Variants in TRAPPC9 observed in about 807,000 individuals in gnomAD.
The protein encoded by TRAPPC9 is IKK2 binding protein.
A neutral mutation model predicts 124.0 loss-of-function variants in TRAPPC9; 83 were observed. That is an observed-to-expected ratio of 0.67 (90% CI 0.56 to 0.80). The LOEUF (loss-of-function observed/expected upper bound fraction) is 0.80. TRAPPC9 is among the 30% of genes least tolerant of loss of function. TRAPPC9 has a pLI of 0.00. For synonymous variants in TRAPPC9, 638 were observed against 617.5 expected (o/e 1.03, Z -0.49); for missense variants, 1,302 against 1,508.3 (o/e 0.86, Z 2.27).
chr8:140,384,531 C>T (rs1157249085), intron 7 of TRAPPC9, among the ~76,000 whole-genome samples: 1 of 152,134 alleles, frequency 6.6e-6, no homozygotes, highest in African/African-American at 2.4e-5. Context: ...ATAAAACAGA[C>T]TTTAAACCAA....
intron 20 of TRAPPC9, among the ~76,000 whole-genome samples, chr8:139,901,531 G>A (rs1831021465): frequency 6.6e-6 from 1 of 152,168 alleles, no homozygotes; most frequent in Admixed American, 6.5e-5. Flanking sequence ...AAGGGGAGAG[G>A]TCTGCAACTG....
chr8:140,188,512 C>T (rs1469086039), intron 17 of TRAPPC9, among the ~76,000 whole-genome samples: 13 of 152,184 alleles, frequency 8.5e-5, no homozygotes, highest in African/African-American at 2.4e-4. Flanking sequence ...CAGCTTATAT[C>T]TTTATCCCTA....
intron 17 of TRAPPC9, among the ~76,000 whole-genome samples, chr8:140,169,325 G>C (rs182451182): frequency 6.6e-6 from 1 of 152,100 alleles, no homozygotes; most frequent in South Asian, 2.1e-4. Flanking sequence ...CAGAACCCTC[G>C]CGCATGACTG....
At chr8:140,361,696 T>A (rs1280637733) in intron 8 of TRAPPC9, among the ~76,000 whole-genome samples, 2 of 152,212 alleles carry the variant, frequency 1.3e-5, no homozygotes, top group African/African-American at 4.8e-5. Context: ...TCCATTTTTT[T>A]AAATCCCTAT....
In TRAPPC9 at chr8:140,313,410, G is replaced by T. The variant is rs1057133010; in HGVS notation, c.1496-2036C>A. 3.3e-5 allele frequency among the ~76,000 whole-genome samples: 5 copies of T among 152,326 alleles called. No homozygotes were observed. The South Asian group carries it at 1.0e-3, about 32-fold the overall frequency. On this transcript the variant is annotated intron_variant, in intron 9 of 22. Transcript: ENST00000438773. ...GCACCACAGTGTATCACTCGGCTAA[G>T]CTCTGAATGGCATTTCTAGACAGAA...
intron 17 of TRAPPC9, among the ~76,000 whole-genome samples, chr8:140,132,917 G>C (rs1032184812): frequency 2.0e-5 from 3 of 152,166 alleles, no homozygotes; most frequent in Non-Finnish European, 2.9e-5. Context: ...AGTGGGATGG[G>C]TCATCTGAAA....
intron 15 of TRAPPC9, chr8:140,262,473 G>C (rs1226422114): frequency 6.6e-6 from 1 of 151,626 alleles, no homozygotes; most frequent in Non-Finnish European, 1.5e-5. Flanking sequence ...CCCTAGAAAT[G>C]TGTAAAATGC....
chr8:140,249,434 T>G (rs989950697), intron 16 of TRAPPC9, among the ~76,000 whole-genome samples: 2 of 152,178 alleles, frequency 1.3e-5, no homozygotes, highest in Non-Finnish European at 2.9e-5. Context: ...TCACTACTGA[T>G]GGCCACTTAG....
At chr8:140,206,756 C>CATATATATAT (rs150660269) in intron 17 of TRAPPC9, among the ~76,000 whole-genome samples, 3 of 145,834 alleles carry the variant, frequency 2.1e-5, no homozygotes, top group African/African-American at 7.8e-5. Flanking sequence ...CATATACATA[C>CATATATATAT]ATATATATAT....
At chr8:140,117,786 A>G (rs1032422159) in intron 17 of TRAPPC9, among the ~76,000 whole-genome samples, 1 of 152,240 alleles carries the variant, frequency 6.6e-6, no homozygotes, top group African/African-American at 2.4e-5. Flanking sequence ...GAACTCACTG[A>G]GCAGCAAAAG....
At chr8:140,380,845 A>C (rs1054806781) in intron 7 of TRAPPC9, among the ~76,000 whole-genome samples, 2 of 152,050 alleles carry the variant, frequency 1.3e-5, no homozygotes, top group Non-Finnish European at 2.9e-5. Flanking sequence ...AAACACGTGA[A>C]GAAAAAATAA....
intron 21 of TRAPPC9, among the ~76,000 whole-genome samples, chr8:139,757,558 G>A (rs190806020): frequency 1.9e-3 from 293 of 152,084 alleles, no homozygotes; most frequent in African/African-American, 6.4e-3. Context: ...GGAGGAGCCA[G>A]GGGGCGTGGG....
At position 140,439,034 on chromosome 8, in the gene TRAPPC9, T is replaced by G; in HGVS notation, c.730+18A>C. ...TGAAACAATTACATATCAGATCATCTTCATCAGCTCATCTTACCTCCAAGC... is the reference window on the plus strand; with the variant it reads ...TGAAACAATTACATATCAGATCATCGTCATCAGCTCATCTTACCTCCAAGC... On this transcript the variant is annotated intron_variant, in intron 3 of 22. Coordinates refer to ENST00000438773, the MANE Select transcript of TRAPPC9 (RefSeq NM_001160372.4). 6.2e-7 allele frequency: 1 copy of G among 1,614,038 alleles called. No homozygotes were observed. Among genetic ancestry groups the G allele is most frequent in the Non-Finnish European group, 8.5e-7 (1 of 1,179,962 alleles).
At chr8:140,440,528 G>A (rs2070976130) in intron 2 of TRAPPC9, among the ~76,000 whole-genome samples, 1 of 151,606 alleles carries the variant, frequency 6.6e-6, no homozygotes, top group African/African-American at 2.4e-5. Context: ...GAAAAGAAAG[G>A]CATCTGAGCT....
chr8:139,791,084 G>A (rs1040459939), intron 21 of TRAPPC9, among the ~76,000 whole-genome samples: 6 of 152,270 alleles, frequency 3.9e-5, no homozygotes, highest in Admixed American at 3.9e-4. Flanking sequence ...AAGCCACCCA[G>A]CCTCAGGTAT....
intron 5 of TRAPPC9, among the ~76,000 whole-genome samples, chr8:140,411,381 GC>G (rs1005375519): frequency 6.6e-6 from 1 of 152,048 alleles, no homozygotes; most frequent in African/African-American, 2.4e-5. Context: ...CATTCTTGTC[GC>G]CCAGGCTGGA....
chr8:140,282,639 C>A (rs1028589250), intron 14 of TRAPPC9, among the ~76,000 whole-genome samples: 4 of 151,264 alleles, frequency 2.6e-5, no homozygotes, highest in South Asian at 2.1e-4. Flanking sequence ...TTTGAGATAT[C>A]TTTATGATGC....
chr8:139,939,775 A>G (rs1833786878), intron 19 of TRAPPC9, among the ~76,000 whole-genome samples: 2 of 152,178 alleles, frequency 1.3e-5, no homozygotes, highest in African/African-American at 2.4e-5. Flanking sequence ...TTCAGTTCCT[A>G]AGTCCTAGAA....
chr8:140,044,834 C>T (rs921202902), intron 17 of TRAPPC9, among the ~76,000 whole-genome samples: 2 of 152,182 alleles, frequency 1.3e-5, no homozygotes, highest in Non-Finnish European at 2.9e-5. Context: ...GCTAAATACG[C>T]ATTTCTAATT....
Sources: allele counts gnomAD v4.1 joint callset (sites outside exome capture counted in the v4.1 genomes callset), GRCh38; gene constraint gnomAD v4.1.1; transcripts MANE v1.5; gene names NCBI Gene and HGNC (gene_info 2026-07-23, HGNC 2026-07-21).